GALNT13: variants seen among roughly 807,000 people sequenced by gnomAD.
The protein encoded by GALNT13 is UDP-GalNAc:polypeptide N-acetylgalactosaminyltransferase 13.
A neutral mutation model predicts 64.2 loss-of-function variants in GALNT13; 28 were observed. That is an observed-to-expected ratio of 0.44 (90% CI 0.32 to 0.60). The LOEUF (loss-of-function observed/expected upper bound fraction) is 0.60, where lower values mean the gene tolerates loss of function less well. GALNT13 is among the 20% of genes least tolerant of loss of function. The pLI, the probability that GALNT13 is intolerant of heterozygous loss-of-function variation, is 0.05. For synonymous variants in GALNT13, 214 were observed against 224.6 expected (o/e 0.95, Z 0.42); for missense variants, 577 against 669.8 (o/e 0.86, Z 1.53).
At chr2:154,152,700 CTCTT>C (rs1684121633) in intron 4 of GALNT13, among the ~76,000 whole-genome samples, 1 of 152,170 alleles carries the variant, frequency 6.6e-6, no homozygotes, top group Non-Finnish European at 1.5e-5. Flanking sequence ...ATCACTGATA[CTCTT>C]TCTTCCAGTT....
intron 3 of GALNT13, among the ~76,000 whole-genome samples, chr2:153,982,292 G>A (rs925327413): frequency 6.6e-6 from 1 of 152,170 alleles, no homozygotes; most frequent in Admixed American, 6.6e-5. Context: ...GCTCATCTTA[G>A]TAAGTAAATA....
At chr2:153,615,104 C>G in the GALNT13 span, among the ~76,000 whole-genome samples, 1 of 152,030 alleles carries the variant, frequency 6.6e-6, no homozygotes, top group African/African-American at 2.4e-5. Flanking sequence ...TTCCTAGAAC[C>G]CACACATAAG....
At position 153,948,750 on chromosome 2, in the gene GALNT13, A is replaced by G. The variant is rs1044118513; in HGVS notation, c.142+4111A>G. On this transcript the variant is annotated intron_variant, in intron 3 of 12. Coordinates refer to ENST00000392825, the MANE Select transcript of GALNT13 (RefSeq NM_052917.4). ...GCAGTTAGCCTTAGCAAACTAATGC[A>G]GGAACAGAAAACCAAATAGCTCATG... is the stretch of plus-strand genomic sequence containing the variant. 2.0e-5 allele frequency among the ~76,000 whole-genome samples: 3 copies of G among 152,206 alleles called. No individual in the cohort carries two copies. In the East Asian group the frequency reaches 5.8e-4, roughly 29 times the overall value.
At chr2:154,179,824 T>TAAAAAAA (rs56303526) in intron 4 of GALNT13, among the ~76,000 whole-genome samples, 1 of 126,508 alleles carries the variant, frequency 7.9e-6, no homozygotes. Context: ...TCTTCCATGA[T>TAAAAAAA]AAAAAAAAAA....
the GALNT13 span, among the ~76,000 whole-genome samples, chr2:153,434,722 G>T: frequency 6.6e-6 from 1 of 152,112 alleles, no homozygotes; most frequent in Non-Finnish European, 1.5e-5. Flanking sequence ...GTAGATTCTG[G>T]ATATTAGCCC....
the GALNT13 span, among the ~76,000 whole-genome samples, chr2:153,471,625 CCTT>C: frequency 3.9e-5 from 6 of 152,082 alleles, no homozygotes; most frequent in East Asian, 1.2e-3. Context: ...TTTTCATTGA[CCTT>C]CTTCAAATTT....
chr2:153,369,024 G>T, the GALNT13 span, among the ~76,000 whole-genome samples: 9 of 151,766 alleles, frequency 5.9e-5, no homozygotes, highest in Non-Finnish European at 1.2e-4. Context: ...AAAGACATCT[G>T]GAAAATCCAT....
chr2:153,589,179 T>G, the GALNT13 span, among the ~76,000 whole-genome samples: 1 of 152,246 alleles, frequency 6.6e-6, no homozygotes, highest in East Asian at 1.9e-4. Flanking sequence ...CTGGATACAC[T>G]AAATCACCTC....
chr2:154,456,299 A>G (rs902462968), downstream of GALNT13, among the ~76,000 whole-genome samples: 2 of 152,100 alleles, frequency 1.3e-5, no homozygotes, highest in Non-Finnish European at 2.9e-5. Flanking sequence ...TAACATTTAT[A>G]AAAGTAGATT....
At chr2:153,096,387 G>T in the GALNT13 span, among the ~76,000 whole-genome samples, 1 of 151,908 alleles carries the variant, frequency 6.6e-6, no homozygotes, top group African/African-American at 2.4e-5. Context: ...AGATTCCTTT[G>T]GTCTATAATG....
chr2:153,161,021 C>G, the GALNT13 span, among the ~76,000 whole-genome samples: 1 of 152,142 alleles, frequency 6.6e-6, no homozygotes. Flanking sequence ...TTAAAATATA[C>G]TAGATTAAAA....
the GALNT13 span, among the ~76,000 whole-genome samples, chr2:153,797,986 T>C: frequency 6.6e-6 from 1 of 152,210 alleles, no homozygotes; most frequent in African/African-American, 2.4e-5. Flanking sequence ...GCATCAGCAT[T>C]ACTTGGAAGC....
chr2:153,213,705 A>C, the GALNT13 span, among the ~76,000 whole-genome samples: 1 of 152,168 alleles, frequency 6.6e-6, no homozygotes, highest in East Asian at 1.9e-4. Flanking sequence ...GATTTCAGTC[A>C]GTTTTTTTTA....
chr2:154,303,888 G>C (rs1363224208), intron 9 of GALNT13, among the ~76,000 whole-genome samples: 1 of 151,836 alleles, frequency 6.6e-6, no homozygotes, highest in African/African-American at 2.4e-5. Context: ...CTCTCCAGTA[G>C]CTGGGATTAC....
chr2:153,663,508 C>T, the GALNT13 span, among the ~76,000 whole-genome samples: 1 of 152,226 alleles, frequency 6.6e-6, no homozygotes, highest in East Asian at 1.9e-4. Flanking sequence ...ATGTGCTGCA[C>T]AGAAATACAA....
the GALNT13 span, among the ~76,000 whole-genome samples, chr2:153,240,592 AT>A: frequency 1.1e-4 from 16 of 152,262 alleles, no homozygotes; most frequent in African/African-American, 3.9e-4. Context: ...CATGGATTTA[AT>A]TGCAATAGAG....
At chr2:154,220,267 A>T (rs1354768132) in intron 4 of GALNT13, among the ~76,000 whole-genome samples, 4 of 152,106 alleles carry the variant, frequency 2.6e-5, no homozygotes, top group Non-Finnish European at 4.4e-5. Context: ...AAATATTTGG[A>T]TGTGTAGTAA....
chr2:153,447,615 C>A, the GALNT13 span, among the ~76,000 whole-genome samples: 1 of 152,104 alleles, frequency 6.6e-6, no homozygotes, highest in Non-Finnish European at 1.5e-5. Flanking sequence ...ATAATAAATT[C>A]TCTTCATAAT....
the GALNT13 span, among the ~76,000 whole-genome samples, chr2:153,802,731 A>G: frequency 6.6e-6 from 1 of 152,332 alleles, no homozygotes; most frequent in African/African-American, 2.4e-5. Flanking sequence ...CTGTTCAATC[A>G]ATTTCCACAA....
Sources: allele counts gnomAD v4.1 joint callset (sites outside exome capture counted in the v4.1 genomes callset), GRCh38; gene constraint gnomAD v4.1.1; transcripts MANE v1.5; gene names NCBI Gene and HGNC (gene_info 2026-07-23, HGNC 2026-07-21).